The following DNAH8 variants were observed in gnomAD, a reference collection of about 807,000 sequenced individuals.
The protein encoded by DNAH8 is axonemal beta dynein heavy chain 8.
In DNAH8, 382 loss-of-function variants were observed where a neutral mutation model predicts 562.1. That is an observed-to-expected ratio of 0.68 (90% CI 0.63 to 0.74). The LOEUF (loss-of-function observed/expected upper bound fraction) is 0.74. DNAH8 is among the 30% of genes least tolerant of loss of function. The pLI is 0.00. For missense variants in DNAH8, 5,203 were observed against 5,620.4 expected (o/e 0.93, Z 2.37); for synonymous variants, 1,881 against 1,919.4 (o/e 0.98, Z 0.52).
At chr6:38,870,082 A>G (rs1257167498) in intron 48 of DNAH8, among the ~76,000 whole-genome samples, 1 of 152,206 alleles carries the variant, frequency 6.6e-6, no homozygotes, top group African/African-American at 2.4e-5. Flanking sequence ...TTACAAAACC[A>G]TCAGATCTTG....
intron 52 of DNAH8, among the ~76,000 whole-genome samples, chr6:38,875,032 G>C (rs930280172): frequency 1.3e-5 from 2 of 152,106 alleles, no homozygotes; most frequent in Non-Finnish European, 2.9e-5. Flanking sequence ...AATATTTTAG[G>C]CTTTGCACAA....
intron 56 of DNAH8, among the ~76,000 whole-genome samples, chr6:38,886,404 A>G (rs1473397588): frequency 6.6e-6 from 1 of 152,246 alleles, no homozygotes; most frequent in African/African-American, 2.4e-5. Context: ...AACTCAGGAC[A>G]GAAACCATCC....
At chr6:38,890,590 G>A in intron 57 of DNAH8, 62 bp from the exon 58 acceptor site, 1 of 1,183,666 alleles carries the variant, frequency 8.4e-7, no homozygotes, top group Non-Finnish European at 1.3e-6. Flanking sequence ...TGTTTACTGG[G>A]ATAAACATAT....
intron 22 of DNAH8, 56 bp from the exon 23 acceptor site, chr6:38,805,425 T>G: frequency 9.1e-7 from 1 of 1,099,716 alleles, no homozygotes. Flanking sequence ...CCATGTAGAA[T>G]ACAGACAATG....
In DNAH8 at chr6:39,030,320, A is replaced by G; in HGVS notation, c.14052A>G (p.Val4684=). ...CTGATTTGACCTTCATCACTGTGGTATATTTACGAACAGTGTTGTCCCCGG... is the reference window on the plus strand; with the variant it reads ...CTGATTTGACCTTCATCACTGTGGTGTATTTACGAACAGTGTTGTCCCCGG... ...RRTDLTFITV[V]YLRTVLSPDH... is the part of the protein sequence containing the mutation. Residue 4684 remains valine, a synonymous_variant, in exon 93 of 93, where the codon GTA becomes GTG. Coordinates refer to ENST00000327475, the MANE Select transcript of DNAH8 (RefSeq NM_001206927.2). The G allele has an allele frequency of 8.1e-6, 13 of 1,614,014 alleles. No homozygotes were observed. The highest frequency in any genetic ancestry group is 1.1e-5 in the Non-Finnish European group (13 of 1,179,870).
intron 44 of DNAH8, among the ~76,000 whole-genome samples, chr6:38,863,234 A>T (rs989743213): frequency 6.8e-6 from 1 of 148,090 alleles, no homozygotes; most frequent in African/African-American, 2.5e-5. Flanking sequence ...GAGTTCAACC[A>T]TCCTGGCCAA....
rs774659821 is a variant in DNAH8, at chr6:38,990,054, T to C, written c.13096T>C (p.Tyr4366His). Residue 4366 changes from tyrosine (Y) to histidine (H), a missense_variant, in exon 88 of 93, where the codon TAT becomes CAT. Physicochemically the swap from Tyr to His is moderately conservative, Grantham distance 83. Transcript: ENST00000327475. ...GATGTTTGAACCGTCATTCTGCTTTTATACTGGATATAAAATCCCCTTATG... is the reference window on the plus strand; with the variant it reads ...GATGTTTGAACCGTCATTCTGCTTTCATACTGGATATAAAATCCCCTTATG... ...EKMFEPSFCF[Y>H]TGYKIPLCKT... 1.2e-6 allele frequency: 2 copies of C among 1,600,504 alleles called. No homozygotes were observed. Among genetic ancestry groups the C allele is most frequent in the South Asian group, 2.2e-5 (2 of 90,686 alleles).
intron 88 of DNAH8, among the ~76,000 whole-genome samples, chr6:39,002,302 A>G (rs1260680727): frequency 1.3e-5 from 2 of 152,142 alleles, no homozygotes; most frequent in Non-Finnish European, 2.9e-5. Flanking sequence ...TAGTGTACCT[A>G]ATGCTAGAGA....
At chr6:38,846,891 A>G (rs144172828) in intron 36 of DNAH8, among the ~76,000 whole-genome samples, 70 of 152,310 alleles carry the variant, frequency 4.6e-4, no homozygotes, top group Non-Finnish European at 7.6e-4. Context: ...AGTAAACTCA[A>G]TGTTTACAAA....
At position 38,925,670 on chromosome 6, in the gene DNAH8, G is replaced by C. The variant is rs566005399; in HGVS notation, c.10963-385G>C. Among the ~76,000 whole-genome samples, 3 of 152,166 alleles carry C rather than the reference G, an allele frequency of 2.0e-5. 1 individual carries two copies. Among genetic ancestry groups the C allele is most frequent in the South Asian group, 4.1e-4 (2 of 4,824 alleles). On this transcript the variant is annotated intron_variant, in intron 73 of 92. Coordinates refer to ENST00000327475, the MANE Select transcript of DNAH8 (RefSeq NM_001206927.2). Reference sequence around the variant, plus strand: ...TGGGCAGAACCAAAGGGCCGGAAGGGGAAGCTATCAGGGGCTAATTGCCTG... The same window carrying C: ...TGGGCAGAACCAAAGGGCCGGAAGGCGAAGCTATCAGGGGCTAATTGCCTG...
intron 55 of DNAH8, 35 bp from the exon 56 acceptor site, chr6:38,883,841 C>A: frequency 6.8e-7 from 1 of 1,477,916 alleles, no homozygotes. Flanking sequence ...GGATTAAAAT[C>A]TAATGCATAA....
chr6:38,774,251 G>T (rs1436826448), intron 12 of DNAH8, among the ~76,000 whole-genome samples: 3 of 152,126 alleles, frequency 2.0e-5, no homozygotes, highest in African/African-American at 7.2e-5. Context: ...AGCTGGTATT[G>T]CTGGGGGAGA....
chr6:38,715,958 A>ATTTTTT (rs1454056787), intron 1 of DNAH8, among the ~76,000 whole-genome samples: 1 of 31,048 alleles, frequency 3.2e-5, no homozygotes, highest in East Asian at 8.2e-4. Flanking sequence ...ATATATATAT[A>ATTTTTT]TATTTTTTTT....
chr6:38,804,235 CTAGTAGGGGAGTGTTTTGCTT>C (rs1054975198), intron 22 of DNAH8, among the ~76,000 whole-genome samples: 1 of 152,054 alleles, frequency 6.6e-6, no homozygotes, highest in Admixed American at 6.6e-5. Context: ...AAAAGATTCC[CTAGTAGGGGAGTGTTTTGCTT>C]CCTAGATTAT....
chr6:38,730,977 C>T (rs1454677378), intron 4 of DNAH8, among the ~76,000 whole-genome samples: 1 of 152,224 alleles, frequency 6.6e-6, no homozygotes, highest in Admixed American at 6.5e-5. Context: ...ATAGCCATCA[C>T]TGTTCTCCAG....
chr6:38,840,945 T>C (rs781204163), intron 33 of DNAH8, among the ~76,000 whole-genome samples: 2 of 152,180 alleles, frequency 1.3e-5, no homozygotes, highest in Non-Finnish European at 2.9e-5. Context: ...TTAGGCAATG[T>C]CATCATTCTC....
chr6:38,920,633 G>A (rs116169568), intron 70 of DNAH8, among the ~76,000 whole-genome samples: 3,303 of 151,988 alleles, frequency 0.022, 47 homozygotes, highest in Non-Finnish European at 0.034. Context: ...AAAATGGGTG[G>A]GTGGACAAAT....
chr6:38,917,282 AACC>A lies in DNAH8; in HGVS notation c.10190_10192del (p.Pro3397del), dbSNP rs1483229251. The A allele has an allele frequency of 5.6e-6, 9 of 1,613,144 alleles. No individual in the cohort carries two copies. The East Asian group carries it at 1.6e-4, about 28-fold the overall frequency. ...ATTGCCACAGTCAGGAAACTTGCAAAACCACCACATCTTATTATGAGAATCATG... is the reference window on the plus strand; with the variant it reads ...ATTGCCACAGTCAGGAAACTTGCAAAACCACATCTTATTATGAGAATCATG... On this transcript the variant is annotated inframe_deletion, in exon 69 of 93. Transcript: ENST00000327475.
chr6:38,805,775 A>G (rs1771218889), intron 23 of DNAH8, among the ~76,000 whole-genome samples, 179 bp downstream of exon 23: 1 of 152,228 alleles, frequency 6.6e-6, no homozygotes, highest in South Asian at 2.1e-4. Flanking sequence ...AGTTTTCCCC[A>G]GTATCACAGC....
Sources: gnomAD v4.1 joint callset for allele counts (sites outside exome capture counted in the v4.1 genomes callset) on GRCh38, gnomAD v4.1.1 for gene constraint, MANE v1.5 for transcripts, NCBI Gene and HGNC (gene_info 2026-07-23, HGNC 2026-07-21) for gene names.